Variants in CAPZB observed in about 807,000 individuals in gnomAD.
CAPZB encodes the protein capping actin protein of muscle Z-line subunit beta.
In CAPZB, 2 loss-of-function variants were observed where a neutral mutation model predicts 38.1. The ratio of observed to expected loss-of-function variants is 0.05; its 90% CI spans 0.02 to 0.17. The LOEUF (loss-of-function observed/expected upper bound fraction) is 0.17. Ranked by LOEUF, CAPZB falls within the 10% of genes least tolerant of loss-of-function variation. The probability of loss-of-function intolerance (pLI) is 1.00; values close to 1 mark genes in which losing one functional copy is unlikely to be tolerated. For synonymous variants in CAPZB, 107 were observed against 127.4 expected (o/e 0.84, Z 1.08); for missense variants, 161 against 334.2 (o/e 0.48, Z 4.04).
intron 4 of CAPZB, among the ~76,000 whole-genome samples, chr1:19,364,898 G>A (rs1304639264): frequency 6.6e-6 from 1 of 151,714 alleles, no homozygotes; most frequent in Middle Eastern, 3.2e-3. Context: ...CCAGGTTGGA[G>A]TGCAATGGCA....
At chr1:19,441,794 G>A (rs1463364841) in intron 1 of CAPZB, among the ~76,000 whole-genome samples, 3 of 151,910 alleles carry the variant, frequency 2.0e-5, no homozygotes, top group Non-Finnish European at 2.9e-5. Context: ...GATCACCTAA[G>A]GTCAGGAGTT....
chr1:19,476,770 C>T (rs1420903329), intron 1 of CAPZB, among the ~76,000 whole-genome samples: 1 of 152,216 alleles, frequency 6.6e-6, no homozygotes, highest in Non-Finnish European at 1.5e-5. Flanking sequence ...CATCTCCTTG[C>T]ATTTCAACAA....
At chr1:19,423,516 CTTTTTT>C (rs11340496) in intron 1 of CAPZB, among the ~76,000 whole-genome samples, 39,111 of 113,528 alleles carry the variant, frequency 0.34, 6,222 homozygotes, top group Middle Eastern at 0.47. Flanking sequence ...AGTGAACATT[CTTTTTT>C]TTTTTTTTTT....
At chr1:19,402,295 G>A (rs905134243) in intron 2 of CAPZB, among the ~76,000 whole-genome samples, 2 of 152,240 alleles carry the variant, frequency 1.3e-5, no homozygotes, top group African/African-American at 4.8e-5. Flanking sequence ...GAGGCAACAA[G>A]GCCACTGCCT....
At chr1:19,470,790 T>C (rs2094584413) in intron 1 of CAPZB, among the ~76,000 whole-genome samples, 1 of 152,272 alleles carries the variant, frequency 6.6e-6, no homozygotes, top group African/African-American at 2.4e-5. Flanking sequence ...TGTATCATTC[T>C]GAATTTACAT....
At chr1:19,446,447 C>T (rs1483241555) in intron 1 of CAPZB, among the ~76,000 whole-genome samples, 1 of 152,182 alleles carries the variant, frequency 6.6e-6, no homozygotes. Context: ...TGATCTGAGT[C>T]TAGAAAGGCA....
At chr1:19,461,096 C>CGGGGG (rs67195695) in intron 1 of CAPZB, among the ~76,000 whole-genome samples, 280 of 112,962 alleles carry the variant, frequency 2.5e-3, no homozygotes, top group Middle Eastern at 4.0e-3. Context: ...TGGGCGGGGG[C>CGGGGG]GGGGGGGGGA....
chr1:19,414,050 G>A (rs1209570640), intron 2 of CAPZB, among the ~76,000 whole-genome samples: 2 of 152,214 alleles, frequency 1.3e-5, no homozygotes, highest in Non-Finnish European at 2.9e-5. Flanking sequence ...AATTACAAAT[G>A]TGTGTGAGCT....
intron 1 of CAPZB, among the ~76,000 whole-genome samples, chr1:19,445,729 CAGG>C (rs2094493730): frequency 6.6e-6 from 1 of 152,162 alleles, no homozygotes; most frequent in South Asian, 2.1e-4. Context: ...CAAATGGATG[CAGG>C]AGGTGTTCTG....
intron 1 of CAPZB, among the ~76,000 whole-genome samples, chr1:19,425,490 TAAG>T (rs1186261382): frequency 6.6e-6 from 1 of 151,934 alleles, no homozygotes; most frequent in Non-Finnish European, 1.5e-5. Flanking sequence ...TGTCAAATAA[TAAG>T]GAGGGGAGTT....
chr1:19,474,303 A>G (rs146811046), intron 1 of CAPZB, among the ~76,000 whole-genome samples: 190 of 152,220 alleles, frequency 1.2e-3, no homozygotes, highest in African/African-American at 4.5e-3. Flanking sequence ...CCCTATTTAC[A>G]GTATTCTTAC....
At chr1:19,388,417 G>C (rs2094214965) in intron 2 of CAPZB, among the ~76,000 whole-genome samples, 1 of 152,178 alleles carries the variant, frequency 6.6e-6, no homozygotes, top group Non-Finnish European at 1.5e-5. Flanking sequence ...GAGGAAAGGA[G>C]GAGTTTTACA....
intron 2 of CAPZB, among the ~76,000 whole-genome samples, chr1:19,399,338 C>T (rs1030687984): frequency 6.6e-6 from 1 of 152,096 alleles, no homozygotes; most frequent in African/African-American, 2.4e-5. Context: ...TCCAGGAAAC[C>T]AACAGTTTCA....
intron 4 of CAPZB, among the ~76,000 whole-genome samples, chr1:19,375,992 G>T (rs944327897): frequency 6.6e-6 from 1 of 152,232 alleles, no homozygotes; most frequent in South Asian, 2.1e-4. Flanking sequence ...TGAACGATGA[G>T]ATGGGAAGGG....
At chr1:19,377,439 T>TC (rs1338537871) in intron 4 of CAPZB, among the ~76,000 whole-genome samples, 2 of 152,198 alleles carry the variant, frequency 1.3e-5, no homozygotes, top group African/African-American at 2.4e-5. Flanking sequence ...AAAACCATCT[T>TC]CCCCAGAGGT....
chr1:19,459,921 T>G (rs989922369), intron 1 of CAPZB, among the ~76,000 whole-genome samples: 5 of 152,148 alleles, frequency 3.3e-5, no homozygotes, highest in African/African-American at 1.2e-4. Context: ...ATCACACAGT[T>G]GCAGTCCTTG....
At chr1:19,472,709 ATTTTTTTTTTTTT>A (rs11334966) in intron 1 of CAPZB, among the ~76,000 whole-genome samples, 4 of 61,166 alleles carry the variant, frequency 6.5e-5, no homozygotes, top group Non-Finnish European at 1.1e-4. Context: ...TTCATTCTTC[ATTTTTTTTTTTTT>A]TTTTTTTTTT....
At chr1:19,457,345 T>C (rs2094536156) in intron 1 of CAPZB, among the ~76,000 whole-genome samples, 1 of 152,164 alleles carries the variant, frequency 6.6e-6, no homozygotes, top group Non-Finnish European at 1.5e-5. Context: ...TCCGCAGTGC[T>C]CGCTTCCGGG....
chr1:19,464,596 C>A (rs1218579920), intron 1 of CAPZB, among the ~76,000 whole-genome samples: 1 of 152,056 alleles, frequency 6.6e-6, no homozygotes, highest in East Asian at 1.9e-4. Flanking sequence ...CCGGCCCTAT[C>A]TGTGAAGATT....
Sources: allele counts gnomAD v4.1 joint callset (sites outside exome capture counted in the v4.1 genomes callset), GRCh38; gene constraint gnomAD v4.1.1; transcripts MANE v1.5; gene names NCBI Gene and HGNC (gene_info 2026-07-23, HGNC 2026-07-21).